CACNA2D3: variants seen among roughly 807,000 people sequenced by gnomAD.
CACNA2D3 encodes calcium voltage-gated channel auxiliary subunit alpha2delta 3, also known as voltage-dependent calcium channel subunit alpha-2/delta-3.
A neutral mutation model predicts 160.6 loss-of-function variants in CACNA2D3; 60 were observed. That is an observed-to-expected ratio of 0.37 (90% confidence interval 0.30 to 0.46). CACNA2D3 has a LOEUF of 0.46. Among genes scored for constraint, CACNA2D3 ranks in the 20% least tolerant of loss-of-function variants. The probability of loss-of-function intolerance (pLI) is 1.00; values close to 1 mark genes in which losing one functional copy is unlikely to be tolerated. For missense variants in CACNA2D3, 1,205 were observed against 1,365.0 expected (o/e 0.88, Z 1.85); for synonymous variants, 558 against 492.9 (o/e 1.13, Z -1.75).
chr3:54,951,733 T>C (rs1194062999), intron 27 of CACNA2D3, among the ~76,000 whole-genome samples: 1 of 152,242 alleles, frequency 6.6e-6, no homozygotes, highest in Non-Finnish European at 1.5e-5. Flanking sequence ...GGAGAAAACA[T>C]CTTCTCCCTT....
At chr3:54,607,718 C>G (rs950354218) in intron 9 of CACNA2D3, among the ~76,000 whole-genome samples, 95 of 152,080 alleles carry the variant, frequency 6.2e-4, no homozygotes, top group African/African-American at 2.3e-3. Flanking sequence ...CCCAGCAATC[C>G]CATTCCTGGA....
At chr3:54,295,575 A>T (rs746516727) in intron 2 of CACNA2D3, among the ~76,000 whole-genome samples, 1 of 152,214 alleles carries the variant, frequency 6.6e-6, no homozygotes, top group Non-Finnish European at 1.5e-5. Flanking sequence ...TCATAGGTAG[A>T]TGAGAGACAA....
intron 2 of CACNA2D3, among the ~76,000 whole-genome samples, chr3:54,235,623 C>T (rs4456901): frequency 0.48 from 73,455 of 152,006 alleles, 18,268 homozygotes; most frequent in South Asian, 0.55. Flanking sequence ...GGTTATAATT[C>T]GACATGAGAT....
intron 11 of CACNA2D3, among the ~76,000 whole-genome samples, chr3:54,687,121 C>CTTTTTCTTTTTTTTTTTTTTTTTTTTT: frequency 6.3e-5 from 6 of 94,934 alleles, no homozygotes; most frequent in Non-Finnish European, 1.2e-4. Context: ...TTTTCTTTTT[C>CTTTTTCTTTTTTTTTTTTTTTTTTTTT]TTTTTTTTTT....
intron 11 of CACNA2D3, among the ~76,000 whole-genome samples, chr3:54,646,212 T>C (rs570674126): frequency 0.013 from 1,223 of 94,340 alleles, 79 homozygotes; most frequent in African/African-American, 0.04. Context: ...CCTTCCTTCC[T>C]TCCTTCCTTC....
chr3:54,631,576 G>A (rs1196212612), intron 10 of CACNA2D3, among the ~76,000 whole-genome samples: 3 of 152,190 alleles, frequency 2.0e-5, no homozygotes, highest in South Asian at 4.1e-4. Context: ...AATTGTGATC[G>A]TGGCTGGAGC....
chr3:54,808,676 A>T (rs762468672), intron 13 of CACNA2D3, among the ~76,000 whole-genome samples: 1 of 152,148 alleles, frequency 6.6e-6, no homozygotes, highest in Non-Finnish European at 1.5e-5. Flanking sequence ...ACATAAAGAG[A>T]TAAGTGTTCT....
chr3:54,445,588 A>ACACACACACACACACT, intron 4 of CACNA2D3, among the ~76,000 whole-genome samples: 1 of 150,552 alleles, frequency 6.6e-6, no homozygotes, highest in Non-Finnish European at 1.5e-5. Context: ...ACACACACAC[A>ACACACACACACACACT]CTCATGTGAA....
At chr3:54,767,758 G>A (rs1216971511) in intron 13 of CACNA2D3, among the ~76,000 whole-genome samples, 3 of 152,154 alleles carry the variant, frequency 2.0e-5, no homozygotes, top group Admixed American at 6.5e-5. Flanking sequence ...AAACAATAAT[G>A]TGGTCATGTC....
intron 2 of CACNA2D3, among the ~76,000 whole-genome samples, chr3:54,165,614 A>G (rs1463433818): frequency 7.5e-6 from 1 of 132,574 alleles, no homozygotes; most frequent in Non-Finnish European, 1.6e-5. Flanking sequence ...AAAAAAAAAA[A>G]AAAAAGAAAA....
chr3:54,841,521 G>A (rs1698819793), intron 16 of CACNA2D3, among the ~76,000 whole-genome samples: 1 of 152,202 alleles, frequency 6.6e-6, no homozygotes, highest in Non-Finnish European at 1.5e-5. Context: ...GGACAGCCAT[G>A]GCCAAATGGG....
intron 27 of CACNA2D3, among the ~76,000 whole-genome samples, chr3:54,965,012 C>T (rs537123893): frequency 1.2e-4 from 19 of 152,142 alleles, no homozygotes; most frequent in African/African-American, 4.3e-4. Context: ...CCTGCCACTT[C>T]GATACTAAAG....
At chr3:54,782,591 C>T (rs770803612) in intron 13 of CACNA2D3, among the ~76,000 whole-genome samples, 1 of 152,054 alleles carries the variant, frequency 6.6e-6, no homozygotes, top group East Asian at 1.9e-4. Flanking sequence ...TTTCCCTTCC[C>T]AGCAGAAGAG....
At chr3:55,019,427 CTAAG>C (rs1311794381) in intron 35 of CACNA2D3, among the ~76,000 whole-genome samples, 2 of 151,952 alleles carry the variant, frequency 1.3e-5, no homozygotes, top group African/African-American at 4.8e-5. Context: ...TTATAATAAA[CTAAG>C]TATATGTCTT....
chr3:54,505,699 A>G (rs2106949887), intron 5 of CACNA2D3, among the ~76,000 whole-genome samples: 2 of 152,366 alleles, frequency 1.3e-5, no homozygotes, highest in South Asian at 4.1e-4. Context: ...GCAATTTCAG[A>G]CATAAAACAA....
chr3:54,761,674 A>T (rs1052466885), intron 12 of CACNA2D3, among the ~76,000 whole-genome samples: 2 of 152,174 alleles, frequency 1.3e-5, no homozygotes, highest in Admixed American at 6.5e-5. Flanking sequence ...TAGGACAGAA[A>T]CTCACAGCCT....
chr3:54,257,846 A>G (rs1702329275), intron 2 of CACNA2D3, among the ~76,000 whole-genome samples: 1 of 152,214 alleles, frequency 6.6e-6, no homozygotes, highest in African/African-American at 2.4e-5. Flanking sequence ...TGATGGAGAA[A>G]TAATGAGGGA....
chr3:54,589,476 C>A (rs9849666), intron 9 of CACNA2D3, among the ~76,000 whole-genome samples: 1 of 151,342 alleles, frequency 6.6e-6, no homozygotes, highest in East Asian at 1.9e-4. Context: ...AGATGTAGGG[C>A]TAGGCAAAGC....
intron 2 of CACNA2D3, among the ~76,000 whole-genome samples, chr3:54,298,863 T>G (rs1413724493): frequency 6.7e-6 from 1 of 148,348 alleles, no homozygotes; most frequent in African/African-American, 2.5e-5. Flanking sequence ...GAGGATTGCT[T>G]GAATCCAGGA....
Sources: gnomAD v4.1 joint callset for allele counts (sites outside exome capture counted in the v4.1 genomes callset) on GRCh38, gnomAD v4.1.1 for gene constraint, MANE v1.5 for transcripts, NCBI Gene and HGNC (gene_info 2026-07-23, HGNC 2026-07-21) for gene names.